ZNF282: variants seen among roughly 807,000 people sequenced by gnomAD.
ZNF282 encodes the protein HTLV-I U5 repressive element-binding protein 1.
Under a neutral mutation model 61.9 loss-of-function variants are expected in ZNF282, and 30 were observed. The observed-to-expected ratio is 0.48, with a 90% confidence interval of 0.36 to 0.66. ZNF282 has a LOEUF of 0.66. Among genes scored for constraint, ZNF282 ranks in the 30% least tolerant of loss-of-function variants. The pLI, the probability that ZNF282 is intolerant of heterozygous loss-of-function variation, is 0.00. For synonymous variants in ZNF282, 396 were observed against 405.0 expected, an observed-to-expected ratio of 0.98 and a Z score of 0.27; for missense variants, 788 against 941.4, an observed-to-expected ratio of 0.84 and a Z score of 2.13.
chr7:149,213,825 T>C lies in ZNF282; in HGVS notation c.1180+11T>C, dbSNP rs1166675684. 1.3e-6 allele frequency: 2 copies of C among 1,599,478 alleles called. No homozygotes were observed. The highest frequency in any genetic ancestry group is 1.7e-6 in the Non-Finnish European group (2 of 1,167,472). ...TAGACTCTGGCCCTAGTGAGTAACG[T>C]CCCCACCTAGACCCTGGGGTTTCTT... On this transcript the variant is annotated intron_variant, in intron 7 of 7. Transcript: ENST00000610704.
At chr7:149,223,174 A>G (rs2129523759) in intron 7 of ZNF282, among the ~76,000 whole-genome samples, 1 of 145,312 alleles carries the variant, frequency 6.9e-6, no homozygotes, top group East Asian at 2.1e-4. Flanking sequence ...GGGTTTTTCC[A>G]TGTTGGTCAG....
Position 149,224,549 on chromosome 7 carries a change from C to A in ZNF282, c.1918C>A (p.Arg640Ser), listed in dbSNP as rs750317439. 3.7e-6 allele frequency: 6 copies of A among 1,609,278 alleles called. No individual in the cohort carries two copies. Among genetic ancestry groups the A allele is most frequent in the Non-Finnish European group, 5.1e-6 (6 of 1,179,374 alleles). The stretch of plus-strand genomic sequence containing the variant: ...GTGCGGCGAGTGCGGCAAGAGCTTC[C>A]GCTACAAGGAGTCGCTCAAGGACCA... ...YTCGECGKSF[R>S]YKESLKDHLR... is the part of the protein sequence containing the mutation. The change falls in exon 8 of 8, where the codon CGC becomes AGC. Residue 640 changes from arginine (R) to serine (S), a missense_variant. Around this residue, in one of 3 missense-constraint regions of ZNF282, gnomAD observed 559 missense variants for 642.0 expected, o/e 0.87. Coordinates refer to ENST00000610704, the MANE Select transcript of ZNF282 (RefSeq NM_003575.4).
In ZNF282 at chr7:149,224,383, C is replaced by T; in HGVS notation, c.1752C>T (p.Ser584=). The T allele has an allele frequency of 1.2e-6, 2 of 1,614,012 alleles. No individual in the cohort carries two copies. Among genetic ancestry groups the T allele is most frequent in the Non-Finnish European group, 1.7e-6 (2 of 1,179,962 alleles). The change falls in exon 8 of 8, where the codon AGC becomes AGT. Residue 584 remains serine (S), a synonymous_variant. Coordinates refer to ENST00000610704, the MANE Select transcript of ZNF282 (RefSeq NM_003575.4). ...GCTCGGAGTGCGAGAAGACCTACAG[C>T]CGTAAGGAGCACCTGCAGAACCACC... ...YKCSECEKTY[S]RKEHLQNHQR...
intron 7 of ZNF282, among the ~76,000 whole-genome samples, chr7:149,222,710 G>A (rs28374384): frequency 0.031 from 4,756 of 152,086 alleles, 102 homozygotes; most frequent in Middle Eastern, 0.11. Flanking sequence ...TGCAGTGGCA[G>A]GATCTCAGCT....
In ZNF282 at chr7:149,224,712, T is replaced by C; in HGVS notation, c.*65T>C. Reference sequence around the variant, plus strand: ...GGGGGCGGCCTGAGCACCAACCACCTTGCCGGGTGTCCTCAGCCACCGTCT... The same window carrying C: ...GGGGGCGGCCTGAGCACCAACCACCCTGCCGGGTGTCCTCAGCCACCGTCT... On this transcript the variant is annotated 3_prime_UTR_variant, in exon 8 of 8. Transcript: ENST00000610704. 1 of 1,440,374 alleles carries C rather than the reference T, an allele frequency of 6.9e-7. No individual in the cohort carries two copies. The highest frequency in any genetic ancestry group is 9.1e-7 in the Non-Finnish European group (1 of 1,101,818). 89.2% of individuals were successfully genotyped at this position (1,440,374 alleles called of 1,614,324 possible).
At chr7:149,223,697 C>T (rs1796297066) in intron 7 of ZNF282, 115 bp from the exon 8 acceptor site, 3 of 1,163,088 alleles carry the variant, frequency 2.6e-6, no homozygotes, top group South Asian at 2.3e-5. Flanking sequence ...TGCAATCCCT[C>T]GTAGTTAGTG....
rs766992381 is a variant in ZNF282, at chr7:149,224,362, G to C, written c.1731G>C (p.Ser577=). 6.2e-6 allele frequency: 10 copies of C among 1,613,548 alleles called. No individual in the cohort carries two copies. Among genetic ancestry groups the C allele is most frequent in the Non-Finnish European group, 8.5e-6 (10 of 1,179,862 alleles). The change falls in exon 8 of 8, where the codon TCG becomes TCC. Residue 577 remains serine (S), a synonymous_variant. Transcript: ENST00000610704. The part of the protein sequence containing the change: ...THRGERPYKC[S]ECEKTYSRKE... ...GCGGCGAGCGGCCCTACAAGTGCTCGGAGTGCGAGAAGACCTACAGCCGTA... is the reference window on the plus strand; with the variant it reads ...GCGGCGAGCGGCCCTACAAGTGCTCCGAGTGCGAGAAGACCTACAGCCGTA...
rs1364086531 is a variant in ZNF282, at chr7:149,195,660, G to A, written c.71G>A (p.Ser24Asn). 2 of 1,600,378 alleles carry A rather than the reference G, an allele frequency of 1.2e-6. No homozygotes were observed. Among genetic ancestry groups the A allele is most frequent in the Admixed American group, 1.7e-5 (1 of 58,788 alleles). ...CAGGGCCTGGGGCTGGACAGCGGGA[G>A]CTGGAGCTGGGCCCAGGCTCTGCCC... ...GIQGLGLDSG[S>N]WSWAQALPPE... is the part of the protein sequence containing the mutation. The change falls in exon 1 of 8, where the codon AGC (serine) becomes AAC (asparagine). Residue 24 changes from serine to asparagine, a missense_variant. By Grantham distance (46) the Ser-to-Asn change is conservative (BLOSUM62 1). Coordinates refer to ENST00000610704, the MANE Select transcript of ZNF282 (RefSeq NM_003575.4).
At position 149,197,410 on chromosome 7, in the gene ZNF282, GCTTGGGCTCTCCGGTC is replaced by G. The variant is rs1196112732; in HGVS notation, c.166-922_166-907del. The stretch of plus-strand genomic sequence containing the variant: ...GGGGGGAAGCTGCTTTTCTGCCCTA[GCTTGGGCTCTCCGGTC>G]TTTTCCTTGACTGCAGCCCTGGTAG... On this transcript the variant is annotated intron_variant, in intron 1 of 7. Coordinates refer to ENST00000610704, the MANE Select transcript of ZNF282 (RefSeq NM_003575.4). Among the ~76,000 whole-genome samples, 14 of 152,326 alleles carry G rather than the reference GCTTGGGCTCTCCGGTC, an allele frequency of 9.2e-5. No homozygotes were observed. The East Asian group carries it at 2.1e-3, about 23-fold the overall frequency.
rs965744067 is a variant in ZNF282 at position 149,198,854 on chromosome 7, T to A, written c.585+102T>A. The A allele has an allele frequency of 2.1e-6, 3 of 1,438,452 alleles. No homozygotes were observed. The highest frequency in any genetic ancestry group is 2.8e-6 in the Non-Finnish European group (3 of 1,080,066). 89.1% of individuals were successfully genotyped at this position (1,438,452 alleles called of 1,614,324 possible). ...AGCCCTTCTCATAAACTTCTCTGGC[T>A]CCCCGTTATCCAATTTCAGTGTCTT... On this transcript the variant is annotated intron_variant, in intron 2 of 7. Coordinates refer to ENST00000610704, the MANE Select transcript of ZNF282 (RefSeq NM_003575.4). This position sits in a 1 kb window ranked among gnomAD's most constrained non-coding sequence, Gnocchi z 4.3.
Position 149,198,622 on chromosome 7 carries a change from C to A in ZNF282, c.455C>A (p.Ala152Asp), listed in dbSNP as rs936028232. The A allele has an allele frequency of 1.2e-6, 2 of 1,614,016 alleles. No individual in the cohort carries two copies. Among genetic ancestry groups the A allele is most frequent in the African/African-American group, 2.7e-5 (2 of 74,912 alleles). ...GGGAACCACATGGAGAGCAAGTGGG[C>A]CGTGCTGGGGACCCTGCTGCAGGAG... is the stretch of plus-strand genomic sequence containing the variant. ...EFGNHMESKWAVLGTLLQEYG... is the reference protein window; with the variant it reads ...EFGNHMESKWDVLGTLLQEYG... Residue 152 changes from alanine to aspartate, a missense_variant, in exon 2 of 8, where the codon GCC becomes GAC. Transcript: ENST00000610704. This position sits in a 1 kb window ranked among gnomAD's most constrained non-coding sequence, Gnocchi z 4.3.
intron 7 of ZNF282, among the ~76,000 whole-genome samples, chr7:149,223,162 C>T (rs924856186): frequency 8.0e-5 from 12 of 150,378 alleles, no homozygotes; most frequent in South Asian, 2.1e-4. Flanking sequence ...TTAGTAGAGA[C>T]GGGGTTTTTC....
At chr7:149,201,089 T>A (rs1035062692) in intron 2 of ZNF282, among the ~76,000 whole-genome samples, 2 of 152,238 alleles carry the variant, frequency 1.3e-5, no homozygotes, top group African/African-American at 4.8e-5. Flanking sequence ...ATCGCCTGCC[T>A]GAGACCTGTT....
In ZNF282 at chr7:149,202,473, G is replaced by A. The variant is rs186954758; in HGVS notation, c.585+3721G>A. Reference sequence around the variant, plus strand: ...ATTACAGGCACACATCACCACGCCCGGCTAATTTTTCTATTTTTTTTTAGT... The same window carrying A: ...ATTACAGGCACACATCACCACGCCCAGCTAATTTTTCTATTTTTTTTTAGT... On this transcript the variant is annotated intron_variant, in intron 2 of 7. Transcript: ENST00000610704. 3.7e-3 allele frequency among the ~76,000 whole-genome samples: 557 copies of A among 152,112 alleles called. 3 individuals are homozygous for A. The highest frequency in any genetic ancestry group is 0.01 in the African/African-American group (421 of 41,502).
chr7:149,223,663 CG>C, intron 7 of ZNF282, 148 bp from the exon 8 acceptor site: 3 of 862,282 alleles, frequency 3.5e-6, no homozygotes, highest in Non-Finnish European at 4.7e-6. Flanking sequence ...CGAAGGGCCA[CG>C]TAGATCGTGG....
intron 4 of ZNF282, among the ~76,000 whole-genome samples, chr7:149,209,746 A>G (rs1196666483): frequency 1.3e-5 from 2 of 152,172 alleles, no homozygotes; most frequent in Non-Finnish European, 2.9e-5. Flanking sequence ...CTGGTGCCTG[A>G]GCCTCCTCTT....
rs202090175 is a variant in ZNF282, at chr7:149,198,404, T to C, written c.237T>C (p.Pro79=). 4.3e-6 allele frequency: 7 copies of C among 1,614,182 alleles called. No homozygotes were observed. In the Admixed American group the frequency reaches 6.7e-5, roughly 15 times the overall value. Reference sequence around the variant, plus strand: ...TCCCACCCTTTCCAGATAGGGCACCTGTCTTCCCCGACCGCATGATGCGAG... The same window carrying C: ...TCCCACCCTTTCCAGATAGGGCACCCGTCTTCCCCGACCGCATGATGCGAG... The part of the protein sequence containing the change: ...FQFPPFPDRA[P]VFPDRMMREP... Residue 79 remains proline (P), a synonymous_variant, in exon 2 of 8, where the codon CCT becomes CCC. Transcript: ENST00000610704. The surrounding 1 kb of genome is among the most constrained non-coding windows in gnomAD (Gnocchi z 4.3).
intron 1 of ZNF282, 23 bp downstream of exon 1, chr7:149,195,777 A>T (rs1288041969): frequency 1.4e-6 from 2 of 1,473,950 alleles, no homozygotes; most frequent in Non-Finnish European, 1.8e-6. Flanking sequence ...CGCCGGCGCC[A>T]TGGCCGCGCT....
chr7:149,214,119 C>T lies in ZNF282; in HGVS notation c.1180+305C>T, dbSNP rs140403364. Among the ~76,000 whole-genome samples, 6 of 152,316 alleles carry T rather than the reference C, an allele frequency of 3.9e-5. No homozygotes were observed. The East Asian group carries it at 1.2e-3, about 29-fold the overall frequency. On this transcript the variant is annotated intron_variant, in intron 7 of 7. Coordinates refer to ENST00000610704, the MANE Select transcript of ZNF282 (RefSeq NM_003575.4). ...GGGGTGGGCTGGGCCTTGCTCCAGA[C>T]TTCCTCTGAAGTCTGTATGGGATTC...
Sources: allele counts gnomAD v4.1 joint callset (sites outside exome capture counted in the v4.1 genomes callset), GRCh38; gene constraint gnomAD v4.1.1; regional missense constraint gnomAD v4.1.1; non-coding constraint Gnocchi (gnomAD v3.1); transcripts MANE v1.5; gene names NCBI Gene and HGNC (gene_info 2026-07-23, HGNC 2026-07-21).